Variants in DNAH17 observed in about 807,000 individuals in gnomAD.
The protein encoded by DNAH17 is dynein axonemal heavy chain 17, also known as axonemal beta dynein heavy chain 17.
In DNAH17, 376 loss-of-function variants were observed where a neutral mutation model predicts 485.6. That is an observed-to-expected ratio of 0.77 (90% CI 0.71 to 0.84). The LOEUF is 0.84. Among genes scored for constraint, DNAH17 ranks in the 40% least tolerant of loss-of-function variants. DNAH17 has a pLI of 0.00. For missense variants in DNAH17, 6,370 were observed against 5,839.3 expected (o/e 1.09, Z -2.96); for synonymous variants, 3,031 against 2,405.9 (o/e 1.26, Z -7.60).
At chr17:78,550,784 G>A (rs1359744326) in intron 16 of DNAH17, among the ~76,000 whole-genome samples, 7 of 152,182 alleles carry the variant, frequency 4.6e-5, no homozygotes, top group South Asian at 2.1e-4. Flanking sequence ...GAAAAGGACC[G>A]TATCAAGAAA....
chr17:78,563,131 T>C (rs979942142), intron 11 of DNAH17, among the ~76,000 whole-genome samples: 2 of 152,248 alleles, frequency 1.3e-5, no homozygotes, highest in Non-Finnish European at 1.5e-5. Context: ...ATTTCCCAAA[T>C]GCAAGATTGC....
At chr17:78,520,356 G>C (rs62075875) in intron 25 of DNAH17, among the ~76,000 whole-genome samples, 20,853 of 152,182 alleles carry the variant, frequency 0.14, 1,851 homozygotes, top group Middle Eastern at 0.23. Context: ...CAGAGTACTG[G>C]AAGTTCAGGC....
chr17:78,432,559 A>C (rs1026903573), intron 75 of DNAH17, among the ~76,000 whole-genome samples: 1 of 152,220 alleles, frequency 6.6e-6, no homozygotes, highest in African/African-American at 2.4e-5. Context: ...CTTCGCCAGC[A>C]GCGATCCTGG....
intron 53 of DNAH17, 36 bp from the exon 54 acceptor site, chr17:78,475,505 G>A (rs2088973223): frequency 1.9e-6 from 3 of 1,612,642 alleles, no homozygotes. Context: ...ACATCTTGTA[G>A]CACCTGGAAT....
At chr17:78,493,423 C>T (rs1284609827) in intron 41 of DNAH17, among the ~76,000 whole-genome samples, 1 of 152,240 alleles carries the variant, frequency 6.6e-6, no homozygotes, top group African/African-American at 2.4e-5. Context: ...TCCCCACAAT[C>T]CTCCATTCAG....
chr17:78,440,021 C>T (rs999147264), intron 72 of DNAH17, among the ~76,000 whole-genome samples: 1 of 151,846 alleles, frequency 6.6e-6, no homozygotes, highest in Non-Finnish European at 1.5e-5. Context: ...CTGAACTCCA[C>T]TCCCCAAGCT....
At chr17:78,474,216 G>T (rs181110418) in intron 54 of DNAH17, among the ~76,000 whole-genome samples, 1 of 152,356 alleles carries the variant, frequency 6.6e-6, no homozygotes, top group African/African-American at 2.4e-5. Flanking sequence ...ACGTACTGCG[G>T]GAGGGTCCCC....
chr17:78,441,293 T>C, intron 71 of DNAH17, 94 bp from the exon 72 acceptor site: 1 of 1,423,298 alleles, frequency 7.0e-7, no homozygotes. Context: ...GGGGGGCCAT[T>C]TTTTGGTGGA....
At chr17:78,550,938 G>C (rs2091888456) in intron 16 of DNAH17, among the ~76,000 whole-genome samples, 1 of 152,212 alleles carries the variant, frequency 6.6e-6, no homozygotes. Context: ...TTGAATCAGA[G>C]CCAGATGCGG....
At chr17:78,492,532 G>C in intron 42 of DNAH17, 101 bp downstream of exon 42, 1 of 1,517,604 alleles carries the variant, frequency 6.6e-7, no homozygotes, top group Non-Finnish European at 8.9e-7. Flanking sequence ...CCCCACCCTA[G>C]CCTGGGGAGG....
At chr17:78,562,579 A>C (rs1384361492) in intron 11 of DNAH17, among the ~76,000 whole-genome samples, 1 of 151,948 alleles carries the variant, frequency 6.6e-6, no homozygotes, top group Admixed American at 6.6e-5. Context: ...CCAAGATTGC[A>C]CCACTGCACC....
chr17:78,458,007 T>C (rs1007774640), intron 62 of DNAH17, among the ~76,000 whole-genome samples: 13 of 152,092 alleles, frequency 8.5e-5, no homozygotes, highest in African/African-American at 2.9e-4. Flanking sequence ...TTTCGTCATA[T>C]TGGCCAGGCT....
chr17:78,437,834 A>G lies in DNAH17; in HGVS notation c.11840T>C (p.Leu3947Pro). 6.2e-7 allele frequency: 1 copy of G among 1,611,438 alleles called. No individual in the cohort carries two copies. Among genetic ancestry groups the G allele is most frequent in the East Asian group, 2.2e-5 (1 of 44,834 alleles). ...GCTGTAGTGCTCCAGCTTCTTGTCC[A>G]GTGTTCCCAGCCACCGGGCCACCAG... ...IHLVARWLGT[L>P]DKKLEHYSTG... The change falls in exon 74 of 81, where the codon CTG (leucine) becomes CCG (proline). Residue 3947 changes from leucine (L) to proline (P), a missense_variant. Transcript: ENST00000389840.
intron 54 of DNAH17, among the ~76,000 whole-genome samples, chr17:78,470,035 A>G (rs938850701): frequency 6.6e-6 from 1 of 151,192 alleles, no homozygotes; most frequent in Non-Finnish European, 1.5e-5. Flanking sequence ...CATGCCACCG[A>G]ACTAGATGTT....
At position 78,543,880 on chromosome 17, in the gene DNAH17, C is replaced by T. The variant is rs2091675822; in HGVS notation, c.2509G>A (p.Val837Met). ...ACTGCAACCATGGCTTGGATCTTCA[C>T]TCCAGCATCCCTGACTGCTGCGTAG... ...KRYAAVRDAG[V>M]KIQAMVAENA... The change falls in exon 17 of 81, where the codon GTG (valine) becomes ATG (methionine). Residue 837 changes from valine to methionine, a missense_variant. Transcript: ENST00000389840. 1 of 1,613,944 alleles carries T rather than the reference C, an allele frequency of 6.2e-7. No homozygotes were observed. Among genetic ancestry groups the T allele is most frequent in the African/African-American group, 1.3e-5 (1 of 74,936 alleles).
chr17:78,555,721 C>T lies in DNAH17; in HGVS notation c.2178+2387G>A, dbSNP rs115379712. ...CAGATTAAACATGGTTTCTGAGGTGCGTGAGGTTGTTTCTGGATGAGATAA... is the reference window on the plus strand; with the variant it reads ...CAGATTAAACATGGTTTCTGAGGTGTGTGAGGTTGTTTCTGGATGAGATAA... On this transcript the variant is annotated intron_variant, in intron 14 of 80. Coordinates refer to ENST00000389840, the MANE Select transcript of DNAH17 (RefSeq NM_173628.4). Among the ~76,000 whole-genome samples, 528 of 152,156 alleles carry T rather than the reference C, an allele frequency of 3.5e-3. 2 individuals carry two copies. Among genetic ancestry groups the T allele is most frequent in the African/African-American group, 0.012 (490 of 41,502 alleles).
chr17:78,475,921 G>A (rs1224033078), intron 52 of DNAH17, 88 bp from the exon 53 acceptor site: 1 of 1,465,346 alleles, frequency 6.8e-7, no homozygotes, highest in African/African-American at 1.4e-5. Context: ...CTTTGCCAAG[G>A]TGGCCTAGGA....
At chr17:78,577,115 G>A (rs1407404020) in intron 1 of DNAH17, among the ~76,000 whole-genome samples, 180 bp downstream of exon 1, 1 of 152,134 alleles carries the variant, frequency 6.6e-6, no homozygotes, top group Non-Finnish European at 1.5e-5. Flanking sequence ...CTGGTACGTG[G>A]CAGCCAGCCT....
intron 43 of DNAH17, among the ~76,000 whole-genome samples, 168 bp downstream of exon 43, chr17:78,491,275 G>A (rs1051374680): frequency 3.3e-5 from 5 of 152,232 alleles, no homozygotes; most frequent in South Asian, 2.1e-4. Context: ...ATGTGACAAA[G>A]TCTCACGACA....
Sources: gnomAD v4.1 joint callset for allele counts (sites outside exome capture counted in the v4.1 genomes callset) on GRCh38, gnomAD v4.1.1 for gene constraint, MANE v1.5 for transcripts, NCBI Gene and HGNC (gene_info 2026-07-23, HGNC 2026-07-21) for gene names.